Variants in SPNS3 observed in about 807,000 individuals in gnomAD.
SPNS3 encodes the protein protein spinster homolog 3.
SPNS3 carries 51 observed loss-of-function variants against 54.4 expected under a neutral mutation model. The observed-to-expected ratio is 0.94, with a 90% confidence interval of 0.75 to 1.18. SPNS3 has a LOEUF of 1.18. SPNS3 is among the 50% of genes most tolerant of loss of function. The probability of loss-of-function intolerance (pLI) is 0.00; values close to 1 mark genes in which losing one functional copy is unlikely to be tolerated. For missense variants in SPNS3, 669 were observed against 677.4 expected, an observed-to-expected ratio of 0.99 and a Z score of 0.14; for synonymous variants, 309 against 294.7, an observed-to-expected ratio of 1.05 and a Z score of -0.50.
rs1464840527 is a variant in SPNS3 at position 4,486,435 on chromosome 17, G to A, written c.1302G>A (p.Arg434=). ...TGLISSVLRA[R]RPDSYLQRFR... is the part of the protein sequence containing the mutation. ...AGATCTCTAGTGTCCTGCGGGCCAG[G>A]CGCCCTGACTCCTATCTGCAGCGCT... Residue 434 remains arginine (R), a synonymous_variant, in exon 11 of 12, where the codon AGG becomes AGA. Transcript: ENST00000355530. This position sits in a 1 kb window ranked among gnomAD's most constrained non-coding sequence, Gnocchi z 5.5. 3 of 1,608,782 alleles carry A rather than the reference G, an allele frequency of 1.9e-6. No homozygotes were observed. Among genetic ancestry groups the A allele is most frequent in the South Asian group, 2.2e-5 (2 of 90,758 alleles).
intron 7 of SPNS3, among the ~76,000 whole-genome samples, chr17:4,450,871 G>A (rs1597313907): frequency 6.6e-6 from 1 of 150,716 alleles, no homozygotes; most frequent in East Asian, 2.0e-4. Context: ...GCCTCCCGAA[G>A]TGCTGGAATT....
rs144892019 is a variant in SPNS3 at position 4,486,912 on chromosome 17, A to G, written c.1450+329A>G. Among the ~76,000 whole-genome samples, 1,914 of 152,132 alleles carry G rather than the reference A, an allele frequency of 0.013. 41 individuals carry two copies. Among genetic ancestry groups the G allele is most frequent in the African/African-American group, 0.044 (1,816 of 41,512 alleles). On this transcript the variant is annotated intron_variant, in intron 11 of 11. Coordinates refer to ENST00000355530, the MANE Select transcript of SPNS3 (RefSeq NM_182538.5). This position sits in a 1 kb window ranked among gnomAD's most constrained non-coding sequence, Gnocchi z 5.5. ...AAAGGGGCCGGGCGCGGTGGCTCAC[A>G]CCTGTAATCCCAGTACTTGGGGAGG...
At chr17:4,434,766 C>T (rs1454010767) in intron 1 of SPNS3, among the ~76,000 whole-genome samples, 1 of 150,942 alleles carries the variant, frequency 6.6e-6, no homozygotes, top group Non-Finnish European at 1.5e-5. Flanking sequence ...CCTCGGCCTC[C>T]CAAAGTGCTG....
intron 3 of SPNS3, 60 bp from the exon 4 acceptor site, chr17:4,445,988 G>T: frequency 6.5e-7 from 1 of 1,535,564 alleles, no homozygotes; most frequent in African/African-American, 1.4e-5. Context: ...CAAACCCTCG[G>T]GTCCCTGGCC....
intron 8 of SPNS3, among the ~76,000 whole-genome samples, chr17:4,455,796 G>A (rs1971296140): frequency 6.6e-6 from 1 of 152,154 alleles, no homozygotes. Context: ...GCATCTGAGT[G>A]TCCTAAAGAC....
intron 8 of SPNS3, among the ~76,000 whole-genome samples, chr17:4,472,774 C>CTTTTTTTTTTTTT (rs375118697): frequency 9.8e-5 from 5 of 50,974 alleles, no homozygotes; most frequent in African/African-American, 2.7e-4. Flanking sequence ...GCTTGGCAGC[C>CTTTTTTTTTTTTT]TTTTTTTTTT....
intron 8 of SPNS3, among the ~76,000 whole-genome samples, chr17:4,457,043 A>G (rs1971334417): frequency 6.6e-6 from 1 of 152,142 alleles, no homozygotes; most frequent in Non-Finnish European, 1.5e-5. Context: ...GCCATTTGAC[A>G]GGTTGGAAAA....
At chr17:4,447,301 G>A (rs1174639711) in intron 5 of SPNS3, among the ~76,000 whole-genome samples, 1 of 152,238 alleles carries the variant, frequency 6.6e-6, no homozygotes, top group African/African-American at 2.4e-5. Flanking sequence ...AGAGATGGAA[G>A]TTCCAAGCCG....
At chr17:4,447,394 G>T (rs761358997) in intron 5 of SPNS3, among the ~76,000 whole-genome samples, 40 of 152,210 alleles carry the variant, frequency 2.6e-4, no homozygotes, top group Non-Finnish European at 4.4e-4. Context: ...AGAAGATGCC[G>T]GGCAGGCCCC....
intron 9 of SPNS3, among the ~76,000 whole-genome samples, chr17:4,479,231 G>A (rs890539885): frequency 1.3e-5 from 2 of 152,224 alleles, no homozygotes; most frequent in East Asian, 1.9e-4. Context: ...GTGAGCCACC[G>A]TGCCTGGCCC....
intron 8 of SPNS3, among the ~76,000 whole-genome samples, chr17:4,474,259 G>A (rs747726839): frequency 6.6e-6 from 1 of 152,210 alleles, no homozygotes; most frequent in South Asian, 2.1e-4. Context: ...CGGTGCCCTC[G>A]TGCCCCAATG....
At chr17:4,449,706 T>A (rs894532470) in intron 7 of SPNS3, among the ~76,000 whole-genome samples, 2 of 151,908 alleles carry the variant, frequency 1.3e-5, no homozygotes, top group Non-Finnish European at 2.9e-5. Flanking sequence ...GGCTGTGGGA[T>A]GAGAGGAGCC....
At chr17:4,473,082 C>A (rs1449033916) in intron 8 of SPNS3, among the ~76,000 whole-genome samples, 1 of 152,062 alleles carries the variant, frequency 6.6e-6, no homozygotes, top group African/African-American at 2.4e-5. Context: ...AGCCACTGCG[C>A]CTGGCTGCCA....
chr17:4,475,946 G>C (rs1322185542), intron 8 of SPNS3, among the ~76,000 whole-genome samples: 2 of 152,224 alleles, frequency 1.3e-5, no homozygotes, highest in East Asian at 3.9e-4. Context: ...ACAAGCAGGG[G>C]CTGCTGGTGC....
intron 2 of SPNS3, 92 bp downstream of exon 2, chr17:4,439,815 C>T (rs1970803754): frequency 7.6e-6 from 9 of 1,186,038 alleles, no homozygotes; most frequent in Non-Finnish European, 1.1e-5. Flanking sequence ...CAGCTCCAGC[C>T]CCACTGGGTC....
chr17:4,447,627 G>A (rs1244897213), intron 5 of SPNS3, among the ~76,000 whole-genome samples: 1 of 152,188 alleles, frequency 6.6e-6, no homozygotes, highest in Admixed American at 6.5e-5. Flanking sequence ...TGGGCTTCAA[G>A]GAGGCAGGTC....
At chr17:4,478,783 G>T (rs1435435327) in intron 9 of SPNS3, 146 bp downstream of exon 9, 15 of 742,784 alleles carry the variant, frequency 2.0e-5, no homozygotes, top group Non-Finnish European at 3.1e-5. Flanking sequence ...TGGACCAGAG[G>T]CCTCTCTGAC....
intron 1 of SPNS3, among the ~76,000 whole-genome samples, chr17:4,435,773 A>G (rs1244825470): frequency 6.6e-6 from 1 of 152,080 alleles, no homozygotes; most frequent in African/African-American, 2.4e-5. Flanking sequence ...CATTCATTCA[A>G]GACTGATCAG....
At chr17:4,463,583 T>C (rs1050327056) in intron 8 of SPNS3, among the ~76,000 whole-genome samples, 12 of 151,306 alleles carry the variant, frequency 7.9e-5, no homozygotes, top group African/African-American at 2.7e-4. Flanking sequence ...AAAAATATAT[T>C]AAAAATTTAG....
Sources: allele counts gnomAD v4.1 joint callset (sites outside exome capture counted in the v4.1 genomes callset), GRCh38; gene constraint gnomAD v4.1.1; non-coding constraint Gnocchi (gnomAD v3.1); transcripts MANE v1.5; gene names NCBI Gene and HGNC (gene_info 2026-07-23, HGNC 2026-07-21).